The following MAPK10 variants were observed in gnomAD, a reference collection of about 807,000 sequenced individuals.
MAPK10 encodes mitogen-activated protein kinase 10.
In MAPK10, 25 loss-of-function variants were observed where a neutral mutation model predicts 59.3. That is an observed-to-expected ratio of 0.42 (90% CI 0.31 to 0.59). The LOEUF is 0.59. Ranked by LOEUF, MAPK10 falls within the 20% of genes least tolerant of loss-of-function variation. The pLI is 0.15. For missense variants in MAPK10, 351 were observed against 568.9 expected (o/e 0.62, Z 3.90); for synonymous variants, 190 against 200.5 (o/e 0.95, Z 0.44).
intron 13 of MAPK10, chr4:86,025,131 C>T (rs970809939): frequency 1.8e-5 from 3 of 164,914 alleles, no homozygotes; most frequent in African/African-American, 7.2e-5. Context: ...TTATTAGCAT[C>T]TCTTTCCAAC....
intron 2 of MAPK10, among the ~76,000 whole-genome samples, chr4:86,258,335 T>C (rs750390424): frequency 8.5e-5 from 13 of 152,194 alleles, no homozygotes; most frequent in Non-Finnish European, 1.5e-4. Flanking sequence ...TCTCCATTTA[T>C]GTACTATTCT....
At chr4:86,572,354 C>G (rs551749394) in intron 1 of MAPK10, among the ~76,000 whole-genome samples, 6 of 152,248 alleles carry the variant, frequency 3.9e-5, no homozygotes, top group Admixed American at 3.3e-4. Flanking sequence ...AGAAACAACT[C>G]TAGTTCAAAT....
chr4:86,076,301 C>G (rs1373737554), intron 9 of MAPK10, among the ~76,000 whole-genome samples: 2 of 152,142 alleles, frequency 1.3e-5, no homozygotes, highest in African/African-American at 4.8e-5. Context: ...TCTGGCACTC[C>G]CTAGTGAGAT....
chr4:86,034,243 C>T (rs1203184662), intron 11 of MAPK10, among the ~76,000 whole-genome samples: 1 of 152,162 alleles, frequency 6.6e-6, no homozygotes, highest in East Asian at 1.9e-4. Context: ...TTTCAAAAGA[C>T]TGTAAACTTC....
chr4:86,396,036 T>A (rs1226476005), intron 1 of MAPK10, among the ~76,000 whole-genome samples: 2 of 152,334 alleles, frequency 1.3e-5, no homozygotes, highest in East Asian at 3.9e-4. Flanking sequence ...GAGCCTTTTT[T>A]ACGTGAACCT....
chr4:86,410,785 C>T lies in MAPK10; in HGVS notation c.-122+42245G>A, dbSNP rs145632032. ...ATTTTTTATTGTGTCTATTTTGATT[C>T]TTATCTCTTTTCTTCTTTATTAGTC... On this transcript the variant is annotated intron_variant, in intron 1 of 13. Coordinates refer to the MAPK10 transcript ENST00000361569. 5.5e-3 allele frequency among the ~76,000 whole-genome samples: 832 copies of T among 152,008 alleles called. 13 individuals are homozygous for T. The highest frequency in any genetic ancestry group is 0.019 in the African/African-American group (779 of 41,476).
chr4:86,343,330 G>A (rs1248966774), intron 2 of MAPK10, among the ~76,000 whole-genome samples: 1 of 152,082 alleles, frequency 6.6e-6, no homozygotes, highest in African/African-American at 2.4e-5. Flanking sequence ...TTGTTAGAAC[G>A]TTCTGTCACT....
At chr4:86,438,466 G>C (rs1007642287) in intron 1 of MAPK10, among the ~76,000 whole-genome samples, 1 of 152,008 alleles carries the variant, frequency 6.6e-6, no homozygotes, top group Non-Finnish European at 1.5e-5. Context: ...GAGGGGGGTG[G>C]ATCATCTGAG....
chr4:86,163,554 T>C (rs1050058716), intron 3 of MAPK10, among the ~76,000 whole-genome samples: 1 of 152,118 alleles, frequency 6.6e-6, no homozygotes, highest in African/African-American at 2.4e-5. Context: ...AAATTCATGT[T>C]GAGAAAGCAT....
chr4:86,468,934 T>C (rs1326281871), intron 1 of MAPK10, among the ~76,000 whole-genome samples: 1 of 152,142 alleles, frequency 6.6e-6, no homozygotes, highest in Non-Finnish European at 1.5e-5. Context: ...GAGGTAGGAT[T>C]AGAATTCCCA....
rs543728270 is a variant in MAPK10, at chr4:86,140,644, T to G, written c.236+18654A>C. ...CACATGTATACATATGTAACTAACC[T>G]GCACAATGTGCACATGTACCCTAAA... On this transcript the variant is annotated intron_variant, in intron 4 of 13. Transcript: ENST00000641462. Among the ~76,000 whole-genome samples, 359 of 151,506 alleles carry G rather than the reference T, an allele frequency of 2.4e-3. 1 individual carries two copies. The highest frequency in any genetic ancestry group is 3.8e-3 in the Non-Finnish European group (255 of 67,940).
At chr4:86,181,508 T>C (rs1488928296) in intron 3 of MAPK10, among the ~76,000 whole-genome samples, 1 of 152,164 alleles carries the variant, frequency 6.6e-6, no homozygotes, top group East Asian at 1.9e-4. Context: ...TACTGATTTA[T>C]GATTAGGAAA....
intron 2 of MAPK10, among the ~76,000 whole-genome samples, chr4:86,223,152 C>A (rs1392913716): frequency 1.3e-5 from 2 of 152,166 alleles, no homozygotes; most frequent in Non-Finnish European, 2.9e-5. Context: ...GTTAAACTTA[C>A]TTTTTACCAA....
At chr4:86,426,756 G>C (rs1747335585) in intron 1 of MAPK10, among the ~76,000 whole-genome samples, 1 of 152,094 alleles carries the variant, frequency 6.6e-6, no homozygotes, top group African/African-American at 2.4e-5. Flanking sequence ...ATTTTACCTA[G>C]TTTAGCCTGA....
intron 2 of MAPK10, among the ~76,000 whole-genome samples, chr4:86,231,457 C>A (rs1475127827): frequency 6.6e-6 from 1 of 151,790 alleles, no homozygotes; most frequent in Non-Finnish European, 1.5e-5. Flanking sequence ...AGATCAAGAC[C>A]ATCCTGGCCA....
upstream of MAPK10, among the ~76,000 whole-genome samples, chr4:86,457,331 A>G (rs1265810189): frequency 6.6e-6 from 1 of 152,202 alleles, no homozygotes; most frequent in Non-Finnish European, 1.5e-5. Context: ...AGAAAGAAAT[A>G]AAGGGCATCC....
At chr4:86,045,013 G>C (rs895359431) in intron 11 of MAPK10, among the ~76,000 whole-genome samples, 1 of 152,110 alleles carries the variant, frequency 6.6e-6, no homozygotes, top group Non-Finnish European at 1.5e-5. Flanking sequence ...AGACATCATA[G>C]CATTAGGTGA....
At chr4:86,220,269 G>C (rs1025583556) in intron 2 of MAPK10, among the ~76,000 whole-genome samples, 7 of 152,200 alleles carry the variant, frequency 4.6e-5, no homozygotes, top group South Asian at 2.1e-4. Flanking sequence ...TTAAATGACT[G>C]GCCTGTATGG....
At chr4:86,455,534 AG>A (rs534052323), upstream of MAPK10, among the ~76,000 whole-genome samples, 40 of 152,342 alleles carry the variant, frequency 2.6e-4, no homozygotes, top group South Asian at 5.8e-3. Flanking sequence ...CAAACTTTAA[AG>A]CAACAGCAGT....
Sources: gnomAD v4.1 joint callset for allele counts (sites outside exome capture counted in the v4.1 genomes callset) on GRCh38, gnomAD v4.1.1 for gene constraint, MANE v1.5 for transcripts, NCBI Gene and HGNC (gene_info 2026-07-23, HGNC 2026-07-21) for gene names.